The following SLBP variants were observed in gnomAD, a reference collection of about 807,000 sequenced individuals.
The protein encoded by SLBP is histone RNA hairpin-binding protein.
SLBP carries 29 observed loss-of-function variants against 39.2 expected under a neutral mutation model. The observed-to-expected ratio is 0.74, with a 90% confidence interval of 0.55 to 1.01. The LOEUF (loss-of-function observed/expected upper bound fraction) is 1.01. SLBP is among the 50% of genes least tolerant of loss of function. The pLI, the probability that SLBP is intolerant of heterozygous loss-of-function variation, is 0.00. For missense variants in SLBP, 390 were observed against 350.2 expected (o/e 1.11, Z -0.91); for synonymous variants, 129 against 118.7 (o/e 1.09, Z -0.57).
intron 2 of SLBP, among the ~76,000 whole-genome samples, chr4:1,705,720 T>G (rs798756): frequency 6.6e-6 from 1 of 152,180 alleles, no homozygotes; most frequent in Non-Finnish European, 1.5e-5. Context: ...CGTGTATGAA[T>G]GTATTTCTGG....
chr4:1,705,042 C>T (rs1297426771), intron 2 of SLBP, among the ~76,000 whole-genome samples: 1 of 152,148 alleles, frequency 6.6e-6, no homozygotes, highest in Non-Finnish European at 1.5e-5. Context: ...ATTCTCCTGC[C>T]TCAGCCTCCC....
At chr4:1,701,155 T>C (rs1217666419) in intron 3 of SLBP, among the ~76,000 whole-genome samples, 3 of 148,616 alleles carry the variant, frequency 2.0e-5, no homozygotes, top group Non-Finnish European at 4.5e-5. Context: ...TCTTTTTTTT[T>C]TTTTTTTTGA....
At chr4:1,701,133 TTTTC>T (rs1283992195) in intron 3 of SLBP, among the ~76,000 whole-genome samples, 1 of 125,200 alleles carries the variant, frequency 8.0e-6, no homozygotes, top group Non-Finnish European at 1.8e-5. Flanking sequence ...TGAAAATCCA[TTTTC>T]TTTTTTTTCT....
Position 1,693,592 on chromosome 4 carries a change from G to C in SLBP, c.*5C>G. 1 of 1,579,788 alleles carries C rather than the reference G, an allele frequency of 6.3e-7. No homozygotes were observed. Among genetic ancestry groups the C allele is most frequent in the Non-Finnish European group, 8.7e-7 (1 of 1,148,802 alleles). On this transcript the variant is annotated 3_prime_UTR_variant, in exon 8 of 8. Transcript: ENST00000489418. ...CTGTTTCTCTTCCTGGCCGCCAGGG[G>C]GCAGTTAGCTCATGGCTGAGAAGTC...
intron 6 of SLBP, among the ~76,000 whole-genome samples, chr4:1,695,878 T>C (rs1466483060): frequency 3.9e-5 from 6 of 152,172 alleles, no homozygotes; most frequent in Admixed American, 1.3e-4. Context: ...AGGATATTTA[T>C]ATTTAAAAAA....
At chr4:1,704,943 T>C (rs1273118080) in intron 2 of SLBP, among the ~76,000 whole-genome samples, 2 of 152,120 alleles carry the variant, frequency 1.3e-5, no homozygotes, top group Admixed American at 1.3e-4. Flanking sequence ...TTTTTTCTTT[T>C]TGAGACGGAG....
chr4:1,707,949 C>T (rs894988414), intron 2 of SLBP, among the ~76,000 whole-genome samples: 4 of 151,912 alleles, frequency 2.6e-5, no homozygotes, highest in Non-Finnish European at 5.9e-5. Flanking sequence ...CGTGGTGGTG[C>T]GCACCTGTAA....
Position 1,695,729 on chromosome 4 carries a change from C to T in SLBP, c.629+473G>A, listed in dbSNP as rs148769243. Among the ~76,000 whole-genome samples the T allele has an allele frequency of 4.5e-3, 681 of 151,564 alleles. 3 individuals carry two copies. The highest frequency in any genetic ancestry group is 0.015 in the African/African-American group (636 of 41,388). On this transcript the variant is annotated intron_variant, in intron 6 of 7. Coordinates refer to ENST00000489418, the MANE Select transcript of SLBP (RefSeq NM_006527.4). ...CCAGAAGGTGAAGGTTGCAGTGAGCCGGGATCACGCCACTGCACTCCAGCC... is the reference window on the plus strand; with the variant it reads ...CCAGAAGGTGAAGGTTGCAGTGAGCTGGGATCACGCCACTGCACTCCAGCC...
chr4:1,697,522 T>C (rs982795205), intron 5 of SLBP, among the ~76,000 whole-genome samples: 2 of 150,992 alleles, frequency 1.3e-5, no homozygotes, highest in Non-Finnish European at 1.5e-5. Context: ...TGAACAAATA[T>C]GTTTAAAAAA....
At chr4:1,696,470 TG>T (rs2109115248) in intron 5 of SLBP, 119 bp from the exon 6 acceptor site, 1 of 837,318 alleles carries the variant, frequency 1.2e-6, no homozygotes, top group Non-Finnish European at 1.7e-6. Flanking sequence ...TCACCAGGCA[TG>T]GTGGCTCATG....
At chr4:1,696,482 C>T in intron 5 of SLBP, 131 bp from the exon 6 acceptor site, 1 of 752,170 alleles carries the variant, frequency 1.3e-6, no homozygotes, top group Non-Finnish European at 2.0e-6. Context: ...GTGGCTCATG[C>T]CTGTAATCCT....
Position 1,712,145 on chromosome 4 carries a change from C to T in SLBP, c.44G>A (p.Cys15Tyr). 2.4e-6 allele frequency: 3 copies of T among 1,232,738 alleles called. No homozygotes were observed. Among genetic ancestry groups the T allele is most frequent in the Non-Finnish European group, 3.0e-6 (3 of 989,610 alleles). 76.4% of individuals were successfully genotyped at this position (1,232,738 alleles called of 1,614,324 possible). Reference protein sequence around the residue: ...PRSPPRHQSRCDGDASPPSPA... With the variant: ...PRSPPRHQSRYDGDASPPSPA... ...CCGGCCTCACCTGGCGTCACCGTCG[C>T]AGCGGCTCTGATGCCTCGGCGGGCT... The change falls in exon 1 of 8, where the codon TGC (cysteine) becomes TAC (tyrosine). Residue 15 changes from cysteine to tyrosine, a missense_variant. Coordinates refer to ENST00000489418, the MANE Select transcript of SLBP (RefSeq NM_006527.4).
intron 5 of SLBP, among the ~76,000 whole-genome samples, chr4:1,698,296 T>C (rs1716195649): frequency 6.6e-6 from 1 of 151,148 alleles, no homozygotes; most frequent in Non-Finnish European, 1.5e-5. Context: ...ATTGCGCCAC[T>C]GCACTCCAGC....
At chr4:1,697,913 G>A (rs1716175411) in intron 5 of SLBP, among the ~76,000 whole-genome samples, 1 of 152,100 alleles carries the variant, frequency 6.6e-6, no homozygotes, top group African/African-American at 2.4e-5. Context: ...ACTACTTGAG[G>A]CCAGGAGTTC....
intron 2 of SLBP, among the ~76,000 whole-genome samples, chr4:1,710,423 T>G (rs923038744): frequency 6.6e-6 from 1 of 152,204 alleles, no homozygotes; most frequent in African/African-American, 2.4e-5. Flanking sequence ...GATGCCTCTT[T>G]CCTGTGTAAA....
intron 3 of SLBP, 157 bp from the exon 4 acceptor site, chr4:1,700,227 A>ACG: frequency 4.2e-6 from 2 of 478,464 alleles, no homozygotes; most frequent in Non-Finnish European, 7.4e-6. Context: ...CAGTTTAAGT[A>ACG]GTGAGATCCA....
At chr4:1,708,084 C>T (rs1170201606) in intron 2 of SLBP, among the ~76,000 whole-genome samples, 3 of 102,604 alleles carry the variant, frequency 2.9e-5, no homozygotes, top group African/African-American at 1.2e-4. Context: ...ATCTCAAAAA[C>T]GAAAAAAAAA....
At chr4:1,693,891 C>CATTT (rs550463843) in intron 7 of SLBP, among the ~76,000 whole-genome samples, 178 bp from the exon 8 acceptor site, 59 of 152,260 alleles carry the variant, frequency 3.9e-4, no homozygotes, top group Non-Finnish European at 5.6e-4. Flanking sequence ...CCACATGTAC[C>CATTT]ATTTACAAGA....
intron 6 of SLBP, 133 bp downstream of exon 6, chr4:1,696,069 C>G: frequency 1.6e-6 from 1 of 627,302 alleles, no homozygotes; most frequent in Non-Finnish European, 2.6e-6. Context: ...CAGCACCGAG[C>G]TGCAGCAGCT....
Sources: gnomAD v4.1 joint callset for allele counts (sites outside exome capture counted in the v4.1 genomes callset) on GRCh38, gnomAD v4.1.1 for gene constraint, MANE v1.5 for transcripts, NCBI Gene and HGNC (gene_info 2026-07-23, HGNC 2026-07-21) for gene names.